RAI14: variants seen among roughly 807,000 people sequenced by gnomAD.
RAI14 encodes the protein retinoic acid induced 14.
A neutral mutation model predicts 115.4 loss-of-function variants in RAI14; 45 were observed. The ratio of observed to expected loss-of-function variants is 0.39; its 90% CI spans 0.31 to 0.50. The LOEUF is 0.50. Ranked by LOEUF, RAI14 falls within the 20% of genes least tolerant of loss-of-function variation. The pLI, the probability that RAI14 is intolerant of heterozygous loss-of-function variation, is 0.85. For missense variants in RAI14, 939 were observed against 1,131.2 expected, an observed-to-expected ratio of 0.83 and a Z score of 2.44; for synonymous variants, 371 against 415.4, an observed-to-expected ratio of 0.89 and a Z score of 1.30.
chr5:34,822,590 A>G (rs1252005029), intron 14 of RAI14, among the ~76,000 whole-genome samples: 1 of 139,204 alleles, frequency 7.2e-6, no homozygotes, highest in Non-Finnish European at 1.5e-5. Flanking sequence ...TGATCATGCT[A>G]CTCTCCCGTA....
rs2150103580 is a variant in RAI14, at chr5:34,761,097, T to C, written c.167+3499T>C. On this transcript the variant is annotated intron_variant, in intron 3 of 17. Transcript: ENST00000265109. Reference sequence around the variant, plus strand: ...TTCTATTCTCTCTTCATGGTAGACATATACATAGCAGTTAGGTAAGAGTCA... The same window carrying C: ...TTCTATTCTCTCTTCATGGTAGACACATACATAGCAGTTAGGTAAGAGTCA... 2.0e-5 allele frequency among the ~76,000 whole-genome samples: 3 copies of C among 152,360 alleles called. No individual in the cohort carries two copies. In the South Asian group the frequency reaches 6.2e-4, roughly 32 times the overall value.
chr5:34,673,247 C>T (rs932975528), intron 1 of RAI14, among the ~76,000 whole-genome samples: 6 of 152,158 alleles, frequency 3.9e-5, no homozygotes, highest in African/African-American at 1.4e-4. Context: ...GCAAGGTCTC[C>T]TTCAGTGACT....
intron 2 of RAI14, among the ~76,000 whole-genome samples, chr5:34,741,132 A>G (rs941680474): frequency 2.6e-5 from 4 of 152,252 alleles, no homozygotes; most frequent in Non-Finnish European, 5.9e-5. Flanking sequence ...GCCAGAAAAA[A>G]TTCTATTTTA....
chr5:34,710,325 C>T (rs1481514734), intron 2 of RAI14, among the ~76,000 whole-genome samples: 1 of 152,144 alleles, frequency 6.6e-6, no homozygotes, highest in African/African-American at 2.4e-5. Flanking sequence ...GTCCTCTGTC[C>T]TTACATGGTC....
At chr5:34,700,750 C>T (rs1350441884) in intron 2 of RAI14, among the ~76,000 whole-genome samples, 2 of 152,172 alleles carry the variant, frequency 1.3e-5, no homozygotes, top group East Asian at 1.9e-4. Context: ...GGCTTGTTAC[C>T]TACAATCTAC....
rs765454489 is a variant in RAI14 at position 34,826,453 on chromosome 5, G to A, written c.2773G>A (p.Val925Ile). The change falls in exon 16 of 18, where the codon GTC becomes ATC. Residue 925 changes from valine to isoleucine, a missense_variant. Coordinates refer to ENST00000265109, the MANE Select transcript of RAI14 (RefSeq NM_015577.3). ...GCAGCTGGAGGCGCTGCAGCAGCAA[G>A]TCAAACAGCTCCAGAACCAGCTGGC... ...SQQLEALQQQ[V>I]KQLQNQLAEC... 1 of 1,613,930 alleles carries A rather than the reference G, an allele frequency of 6.2e-7. No homozygotes were observed. Among genetic ancestry groups the A allele is most frequent in the Non-Finnish European group, 8.5e-7 (1 of 1,179,886 alleles).
Position 34,831,410 on chromosome 5 carries a change from G to A in RAI14, c.*645G>A, listed in dbSNP as rs1210863282. 1 of 152,566 alleles carries A rather than the reference G, an allele frequency of 6.6e-6. No homozygotes were observed. The highest frequency in any genetic ancestry group is 1.9e-4 in the East Asian group (1 of 5,196). 9.5% of individuals were successfully genotyped at this position (152,566 alleles called of 1,614,324 possible). ...TGAAACTTAAAAACAAAAGCAAGTTGTCCTTAAAAGTTCTTTTTTTAAGTA... is the reference window on the plus strand; with the variant it reads ...TGAAACTTAAAAACAAAAGCAAGTTATCCTTAAAAGTTCTTTTTTTAAGTA... On this transcript the variant is annotated 3_prime_UTR_variant, in exon 18 of 18. Transcript: ENST00000265109.
At chr5:34,816,849 C>T (rs966558508) in intron 12 of RAI14, among the ~76,000 whole-genome samples, 3 of 150,702 alleles carry the variant, frequency 2.0e-5, no homozygotes, top group African/African-American at 4.9e-5. Flanking sequence ...CAGTGCAATC[C>T]GAAGAATATC....
chr5:34,670,619 A>G (rs905785490), intron 1 of RAI14, among the ~76,000 whole-genome samples: 6 of 152,210 alleles, frequency 3.9e-5, no homozygotes, highest in African/African-American at 1.4e-4. Context: ...TATAATCTAT[A>G]GCAATAAAGA....
chr5:34,796,118 A>C (rs185591349), intron 4 of RAI14, 91 bp downstream of exon 4: 1 of 1,050,382 alleles, frequency 9.5e-7, no homozygotes, highest in Non-Finnish European at 1.5e-6. Flanking sequence ...ATTTAAGGCC[A>C]GGTGTGGTAA....
intron 2 of RAI14, among the ~76,000 whole-genome samples, chr5:34,745,145 T>C (rs755033324): frequency 9.2e-5 from 14 of 152,192 alleles, no homozygotes; most frequent in Non-Finnish European, 1.6e-4. Context: ...TGGGAAAATG[T>C]GCATTTTCTG....
At chr5:34,674,832 G>A (rs1259666152) in intron 1 of RAI14, among the ~76,000 whole-genome samples, 1 of 151,626 alleles carries the variant, frequency 6.6e-6, no homozygotes. Context: ...CAGGTGATCC[G>A]CCCATCTCGG....
At chr5:34,665,936 T>C (rs542882138) in intron 1 of RAI14, among the ~76,000 whole-genome samples, 1 of 152,360 alleles carries the variant, frequency 6.6e-6, no homozygotes, top group Non-Finnish European at 1.5e-5. Context: ...TGTCAACCAG[T>C]CAACATACTA....
chr5:34,792,255 A>C, intron 3 of RAI14, among the ~76,000 whole-genome samples: 1 of 95,600 alleles, frequency 1.0e-5, no homozygotes, highest in Non-Finnish European at 2.0e-5. Flanking sequence ...TTTTTTTGAG[A>C]CGGAGTCTCT....
At chr5:34,713,084 TG>T in intron 2 of RAI14, among the ~76,000 whole-genome samples, 1 of 152,158 alleles carries the variant, frequency 6.6e-6, no homozygotes, top group African/African-American at 2.4e-5. Context: ...CATTTACATG[TG>T]GAAGAATAAT....
intron 10 of RAI14, 43 bp downstream of exon 10, chr5:34,812,251 G>A (rs1755690230): frequency 1.3e-6 from 2 of 1,515,000 alleles, no homozygotes; most frequent in Admixed American, 1.9e-5. Context: ...ATTTATGCTT[G>A]TGGGAATTTA....
chr5:34,675,057 C>G (rs1202132521), intron 1 of RAI14, among the ~76,000 whole-genome samples: 2 of 152,082 alleles, frequency 1.3e-5, no homozygotes, highest in African/African-American at 4.8e-5. Context: ...CCACCACACC[C>G]AGCTAATTTT....
intron 2 of RAI14, among the ~76,000 whole-genome samples, chr5:34,733,519 C>T (rs1744456865): frequency 6.6e-6 from 1 of 152,314 alleles, no homozygotes; most frequent in Admixed American, 6.5e-5. Context: ...AATGTTCAAC[C>T]TCCATAAGCT....
At chr5:34,809,101 C>G (rs1342844626) in intron 7 of RAI14, among the ~76,000 whole-genome samples, 1 of 152,200 alleles carries the variant, frequency 6.6e-6, no homozygotes, top group African/African-American at 2.4e-5. Context: ...AACCTAGATT[C>G]TCTTCTGCAA....
Sources: allele counts gnomAD v4.1 joint callset (sites outside exome capture counted in the v4.1 genomes callset), GRCh38; gene constraint gnomAD v4.1.1; transcripts MANE v1.5; gene names NCBI Gene and HGNC (gene_info 2026-07-23, HGNC 2026-07-21).